MAP2: variants seen among roughly 807,000 people sequenced by gnomAD.
The protein encoded by MAP2 is microtubule associated protein 2, also known as microtubule-associated protein 2.
Under a neutral mutation model 137.6 loss-of-function variants are expected in MAP2, and 14 were observed. That is an observed-to-expected ratio of 0.10 (90% CI 0.07 to 0.16). The LOEUF is 0.16. MAP2 is among the 10% of genes least tolerant of loss of function. MAP2 has a pLI of 1.00. For missense variants in MAP2, 2,088 were observed against 2,191.5 expected (o/e 0.95, Z 0.94); for synonymous variants, 786 against 782.3 (o/e 1.00, Z -0.08).
intron 2 of MAP2, among the ~76,000 whole-genome samples, chr2:209,562,704 A>C (rs1366281893): frequency 1.3e-5 from 2 of 152,034 alleles, no homozygotes; most frequent in Admixed American, 6.6e-5. Flanking sequence ...CAAAAAAAAA[A>C]CAAAAAGCGA....
At chr2:209,471,077 T>A (rs971385874) in intron 1 of MAP2, among the ~76,000 whole-genome samples, 9 of 152,212 alleles carry the variant, frequency 5.9e-5, no homozygotes, top group African/African-American at 2.2e-4. Flanking sequence ...AGGTTCTGCA[T>A]GGTCTGACTC....
chr2:209,700,424 A>G, intron 11 of MAP2, 86 bp downstream of exon 11: 1 of 1,077,692 alleles, frequency 9.3e-7, no homozygotes, highest in South Asian at 1.4e-5. Flanking sequence ...GATATTGTTT[A>G]GATATTTACT....
chr2:209,501,901 A>T (rs1424999382), intron 1 of MAP2, among the ~76,000 whole-genome samples: 2 of 152,210 alleles, frequency 1.3e-5, no homozygotes. Flanking sequence ...CAGAAGCCAC[A>T]GGACAGCTTG....
intron 12 of MAP2, among the ~76,000 whole-genome samples, chr2:209,707,238 T>TAAATGTTA (rs1456909675): frequency 6.6e-6 from 1 of 152,182 alleles, no homozygotes; most frequent in Non-Finnish European, 1.5e-5. Context: ...ATTGATTCAT[T>TAAATGTTA]AAATGTTCAG....
chr2:209,515,176 T>G (rs2062299109), intron 2 of MAP2, among the ~76,000 whole-genome samples: 1 of 152,166 alleles, frequency 6.6e-6, no homozygotes. Flanking sequence ...AGTGAAGAGT[T>G]GAGTAAAGAA....
At chr2:209,720,587 C>A (rs1021755587) in intron 13 of MAP2, among the ~76,000 whole-genome samples, 1 of 147,096 alleles carries the variant, frequency 6.8e-6, no homozygotes, top group African/African-American at 2.5e-5. Flanking sequence ...TGCAGTGAGC[C>A]GAGATCGCGC....
chr2:209,431,273 T>C (rs1051716348), intron 1 of MAP2, among the ~76,000 whole-genome samples: 1 of 152,204 alleles, frequency 6.6e-6, no homozygotes, highest in African/African-American at 2.4e-5. Flanking sequence ...TTTTTATTCC[T>C]AACATATTTA....
Position 209,457,723 on chromosome 2 carries a change from A to T in MAP2, c.-222+33447A>T, listed in dbSNP as rs113854887. Among the ~76,000 whole-genome samples the T allele has an allele frequency of 8.5e-3, 1,297 of 152,296 alleles. 21 individuals are homozygous for T. The highest frequency in any genetic ancestry group is 0.029 in the African/African-American group (1,213 of 41,558). ...TGCATCACATGAAAGTTCTCTGAAA[A>T]TGGGAGGATACATGAGAAGCGTTCT... On this transcript the variant is annotated intron_variant, in intron 1 of 15. Transcript: ENST00000682079.
intron 3 of MAP2, among the ~76,000 whole-genome samples, chr2:209,619,835 A>G (rs2090606142): frequency 1.3e-5 from 2 of 152,106 alleles, no homozygotes; most frequent in African/African-American, 4.8e-5. Flanking sequence ...TGCTCACCAG[A>G]TATCAGATAT....
At chr2:209,689,813 T>C (rs1036675224) in intron 7 of MAP2, among the ~76,000 whole-genome samples, 1 of 152,220 alleles carries the variant, frequency 6.6e-6, no homozygotes, top group African/African-American at 2.4e-5. Flanking sequence ...AATATGATAA[T>C]AGTTGTGTCC....
At chr2:209,487,366 A>C (rs1357022263) in intron 1 of MAP2, among the ~76,000 whole-genome samples, 2 of 152,208 alleles carry the variant, frequency 1.3e-5, no homozygotes, top group Non-Finnish European at 2.9e-5. Context: ...ATAGCTGTAC[A>C]TTCCTTTGAA....
chr2:209,426,874 G>A (rs773132598), intron 1 of MAP2, among the ~76,000 whole-genome samples: 21 of 152,194 alleles, frequency 1.4e-4, no homozygotes, highest in Non-Finnish European at 2.1e-4. Flanking sequence ...AAACCAGTTC[G>A]CAAATTTTCT....
chr2:209,436,752 T>A (rs1324963078), intron 1 of MAP2, among the ~76,000 whole-genome samples: 1 of 151,706 alleles, frequency 6.6e-6, no homozygotes, highest in African/African-American at 2.4e-5. Context: ...GTTTGTGACG[T>A]TGATTTTGTC....
intron 3 of MAP2, among the ~76,000 whole-genome samples, chr2:209,590,280 A>G (rs549044358): frequency 6.6e-6 from 1 of 152,260 alleles, no homozygotes; most frequent in Non-Finnish European, 1.5e-5. Context: ...TATCTCAAAC[A>G]GTGTTGGCTA....
rs528013770 is a variant in MAP2, at chr2:209,484,349, G to C, written c.-221-23243G>C. Among the ~76,000 whole-genome samples, 4 of 151,072 alleles carry C rather than the reference G, an allele frequency of 2.6e-5. No individual in the cohort carries two copies. The South Asian group carries it at 8.4e-4, about 32-fold the overall frequency. Reference sequence around the variant, plus strand: ...TGGCGAGGCGCAGTGGCTCACGCCCGTAATCCCAGCACTTTGGGAGGCCGA... The same window carrying C: ...TGGCGAGGCGCAGTGGCTCACGCCCCTAATCCCAGCACTTTGGGAGGCCGA... On this transcript the variant is annotated intron_variant, in intron 1 of 15. Coordinates refer to ENST00000682079, the MANE Select transcript of MAP2 (RefSeq NM_001375505.1).
At chr2:209,685,051 C>T (rs2056483335) in intron 7 of MAP2, among the ~76,000 whole-genome samples, 1 of 152,046 alleles carries the variant, frequency 6.6e-6, no homozygotes, top group South Asian at 2.1e-4. Flanking sequence ...CCCAGCAACC[C>T]ACAGAGATAG....
At chr2:209,508,750 G>A (rs2061388401) in intron 2 of MAP2, among the ~76,000 whole-genome samples, 1 of 151,936 alleles carries the variant, frequency 6.6e-6, no homozygotes, top group South Asian at 2.1e-4. Context: ...AAGAAAAAAG[G>A]TGAAATGTCT....
chr2:209,571,034 T>G (rs901441199), intron 2 of MAP2, among the ~76,000 whole-genome samples: 1 of 151,990 alleles, frequency 6.6e-6, no homozygotes, highest in Non-Finnish European at 1.5e-5. Context: ...TAAAAGCCAA[T>G]GTAAAACATA....
chr2:209,714,994 C>T (rs1395663787), intron 13 of MAP2, among the ~76,000 whole-genome samples: 4 of 152,056 alleles, frequency 2.6e-5, no homozygotes, highest in East Asian at 1.9e-4. Context: ...TTTTTTACCA[C>T]GTCAGGATTG....
Sources: gnomAD v4.1 joint callset for allele counts (sites outside exome capture counted in the v4.1 genomes callset) on GRCh38, gnomAD v4.1.1 for gene constraint, MANE v1.5 for transcripts, NCBI Gene and HGNC (gene_info 2026-07-23, HGNC 2026-07-21) for gene names.